The following RALB variants were observed in gnomAD, a reference collection of about 807,000 sequenced individuals.
RALB encodes the protein ras-related protein Ral-B.
Under a neutral mutation model 21.3 loss-of-function variants are expected in RALB, and 16 were observed. The ratio of observed to expected loss-of-function variants is 0.75; its 90% CI spans 0.51 to 1.14. The LOEUF (loss-of-function observed/expected upper bound fraction) is 1.14, where lower values mean the gene tolerates loss of function less well. RALB is among the 50% of genes most tolerant of loss of function. RALB has a pLI of 0.00. For missense variants in RALB, 161 were observed against 256.2 expected (o/e 0.63, Z 2.54); for synonymous variants, 93 against 96.1 (o/e 0.97, Z 0.19).
intron 1 of RALB, among the ~76,000 whole-genome samples, chr2:120,245,373 C>A (rs1688954505): frequency 6.6e-6 from 1 of 152,204 alleles, no homozygotes; most frequent in Admixed American, 6.5e-5. Context: ...CGTCACAGCT[C>A]CCTCTCAGGC....
At chr2:120,288,563 G>A (rs950811605) in intron 3 of RALB, among the ~76,000 whole-genome samples, 1 of 151,630 alleles carries the variant, frequency 6.6e-6, no homozygotes, top group Non-Finnish European at 1.5e-5. Flanking sequence ...ATTTTTGAAG[G>A]GGACTCTTTT....
chr2:120,287,028 A>T (rs774680278), intron 3 of RALB, among the ~76,000 whole-genome samples: 2 of 152,158 alleles, frequency 1.3e-5, no homozygotes, highest in South Asian at 4.1e-4. Flanking sequence ...TCTTATAAAC[A>T]TATCTATCTA....
At chr2:120,290,539 A>C (rs1355011316) in intron 4 of RALB, among the ~76,000 whole-genome samples, 1 of 151,526 alleles carries the variant, frequency 6.6e-6, no homozygotes, top group East Asian at 1.9e-4. Context: ...TGTTCTTTTC[A>C]CCTTACTGTT....
intron 2 of RALB, chr2:120,280,714 G>GA (rs35923227): frequency 0.022 from 5,057 of 232,512 alleles, no homozygotes; most frequent in South Asian, 0.054. Context: ...AAAGTAAAAA[G>GA]AAAAAAAAAA....
chr2:120,292,945 A>G (rs926079471), intron 4 of RALB, among the ~76,000 whole-genome samples, 196 bp from the exon 5 acceptor site: 1 of 152,206 alleles, frequency 6.6e-6, no homozygotes, highest in African/African-American at 2.4e-5. Context: ...CCCCAGAGCT[A>G]TTGTTTCTGT....
rs1690261575 is a variant in RALB at position 120,289,696 on chromosome 2, C to G, written c.440C>G (p.Ala147Gly). ...CCTGTGGAGGAGGCCAGGAGTAAAG[C>G]CGAAGAGTGGGGCGTGCAGTACGTG... ...QVPVEEARSKAEEWGVQYVET... is the reference protein window; with the variant it reads ...QVPVEEARSKGEEWGVQYVET... Residue 147 changes from alanine (A) to glycine (G), a missense_variant, in exon 4 of 5, where the codon GCC (alanine) becomes GGC (glycine). Physicochemically the swap from Ala to Gly is moderately conservative, Grantham distance 60 (BLOSUM62 0). Transcript: ENST00000272519. The G allele has an allele frequency of 6.2e-7, 1 of 1,614,022 alleles. No homozygotes were observed. Among genetic ancestry groups the G allele is most frequent in the African/African-American group, 1.3e-5 (1 of 74,916 alleles).
chr2:120,287,304 A>G (rs1418390964), intron 3 of RALB, among the ~76,000 whole-genome samples: 1 of 152,230 alleles, frequency 6.6e-6, no homozygotes, highest in Non-Finnish European at 1.5e-5. Flanking sequence ...TCATAGCTCC[A>G]GGCTTCAGAG....
At chr2:120,240,531 C>A (rs2104561517) in intron 1 of RALB, among the ~76,000 whole-genome samples, 1 of 152,226 alleles carries the variant, frequency 6.6e-6, no homozygotes, top group Non-Finnish European at 1.5e-5. Context: ...AACTCCTGGG[C>A]TCAAGGATCC....
At chr2:120,246,896 G>A (rs1280765325) in intron 1 of RALB, among the ~76,000 whole-genome samples, 1 of 151,932 alleles carries the variant, frequency 6.6e-6, no homozygotes, top group African/African-American at 2.4e-5. Flanking sequence ...CTTAGCTGGG[G>A]AGGGAGGGAG....
chr2:120,265,877 G>GC (rs1338958423), intron 1 of RALB, among the ~76,000 whole-genome samples: 2 of 152,190 alleles, frequency 1.3e-5, no homozygotes, highest in Non-Finnish European at 2.9e-5. Flanking sequence ...TTCCAAATTT[G>GC]CCTTCAGCTG....
chr2:120,260,155 G>A (rs937382457), intron 1 of RALB, among the ~76,000 whole-genome samples: 39 of 152,358 alleles, frequency 2.6e-4, no homozygotes, highest in African/African-American at 8.2e-4. Flanking sequence ...CCTGCAAGCC[G>A]AGGGAGTGGG....
intron 1 of RALB, among the ~76,000 whole-genome samples, chr2:120,260,755 G>T (rs1573328772): frequency 6.6e-6 from 1 of 152,388 alleles, no homozygotes; most frequent in East Asian, 1.9e-4. Flanking sequence ...CCCTTTCCAG[G>T]CAGCGTTTTG....
chr2:120,281,285 C>G (rs1689984293), intron 2 of RALB, among the ~76,000 whole-genome samples: 1 of 152,226 alleles, frequency 6.6e-6, no homozygotes, highest in Non-Finnish European at 1.5e-5. Flanking sequence ...CAGCTCATAC[C>G]ACAGTGGCTT....
intron 3 of RALB, 67 bp from the exon 4 acceptor site, chr2:120,289,512 TG>T: frequency 6.7e-7 from 1 of 1,493,004 alleles, no homozygotes; most frequent in South Asian, 1.2e-5. Flanking sequence ...TTATTTTAGA[TG>T]GGTTCACAAA....
At chr2:120,278,811 T>C in intron 2 of RALB, 33 bp downstream of exon 2, 1 of 1,475,778 alleles carries the variant, frequency 6.8e-7, no homozygotes, top group Non-Finnish European at 9.0e-7. Context: ...CACCTTCCTT[T>C]GGCATTGGCC....
At chr2:120,292,419 A>G (rs190097626) in intron 4 of RALB, among the ~76,000 whole-genome samples, 1 of 152,242 alleles carries the variant, frequency 6.6e-6, no homozygotes, top group East Asian at 1.9e-4. Context: ...TGTCATGCAT[A>G]ATGATGTTCC....
chr2:120,249,551 C>T (rs566827539), upstream of RALB, among the ~76,000 whole-genome samples: 24 of 152,150 alleles, frequency 1.6e-4, 1 homozygote, highest in African/African-American at 5.5e-4. Context: ...TAAGAATAGG[C>T]GGGGAGGTGC....
intron 1 of RALB, chr2:120,253,808 C>A (rs1034783219): frequency 1.5e-6 from 1 of 687,534 alleles, no homozygotes; most frequent in Non-Finnish European, 1.8e-6. Context: ...GCTGATTGCT[C>A]ATCTGGGTTA....
At chr2:120,253,264 C>T in intron 1 of RALB, 1 of 509,028 alleles carries the variant, frequency 2.0e-6, no homozygotes. Flanking sequence ...TTCCCTATCC[C>T]GCAGATGGCT....
Sources: gnomAD v4.1 joint callset for allele counts (sites outside exome capture counted in the v4.1 genomes callset) on GRCh38, gnomAD v4.1.1 for gene constraint, MANE v1.5 for transcripts, NCBI Gene and HGNC (gene_info 2026-07-23, HGNC 2026-07-21) for gene names.